SCARB1: variants seen among roughly 807,000 people sequenced by gnomAD.
The protein encoded by SCARB1 is scavenger receptor class B member 1.
In SCARB1, 30 loss-of-function variants were observed where a neutral mutation model predicts 57.2. The ratio of observed to expected loss-of-function variants is 0.52; its 90% CI spans 0.39 to 0.71. The LOEUF (loss-of-function observed/expected upper bound fraction) is 0.71, where lower values mean the gene tolerates loss of function less well. Ranked by LOEUF, SCARB1 falls within the 30% of genes least tolerant of loss-of-function variation. SCARB1 has a pLI of 0.00. For synonymous variants in SCARB1, 249 were observed against 268.3 expected, an observed-to-expected ratio of 0.93 and a Z score of 0.70; for missense variants, 543 against 671.2, an observed-to-expected ratio of 0.81 and a Z score of 2.11.
In SCARB1 at chr12:124,814,513, G is replaced by C. The variant is rs1012116233; in HGVS notation, c.427-108C>G. 8.2e-7 allele frequency: 1 copy of C among 1,225,122 alleles called. No individual in the cohort carries two copies. Among genetic ancestry groups the C allele is most frequent in the African/African-American group, 1.5e-5 (1 of 67,052 alleles). 75.9% of individuals were successfully genotyped at this position (1,225,122 alleles called of 1,614,324 possible). ...AGAGCCCATGAAGGGAAATGCTGGGGTGCAGGAGGCCCCTGGAGTGGCCAC... is the reference window on the plus strand; with the variant it reads ...AGAGCCCATGAAGGGAAATGCTGGGCTGCAGGAGGCCCCTGGAGTGGCCAC... On this transcript the variant is annotated intron_variant, in intron 3 of 12. Transcript: ENST00000261693. The surrounding 1 kb of genome is among the most constrained non-coding windows in gnomAD (Gnocchi z 4.7).
chr12:124,863,771 G>A lies in SCARB1; in HGVS notation c.-51C>T. On this transcript the variant is annotated 5_prime_UTR_variant, in exon 1 of 13. Transcript: ENST00000261693. The stretch of plus-strand genomic sequence containing the variant: ...GGCTCGCAGGGCTCCGCGCCTGGCA[G>A]GAGACGGGGACGGCGACAGAGACGA... 1 of 1,397,282 alleles carries A rather than the reference G, an allele frequency of 7.2e-7. No individual in the cohort carries two copies. Among genetic ancestry groups the A allele is most frequent in the Non-Finnish European group, 9.3e-7 (1 of 1,078,360 alleles). 86.6% of individuals were successfully genotyped at this position (1,397,282 alleles called of 1,614,324 possible).
intron 1 of SCARB1, among the ~76,000 whole-genome samples, chr12:124,820,596 G>T (rs1555263570): frequency 6.6e-6 from 1 of 152,122 alleles, no homozygotes; most frequent in Non-Finnish European, 1.5e-5. Context: ...TGCACTGCAG[G>T]TCCCTCTGTC....
chr12:124,852,748 C>T (rs1242801751), intron 1 of SCARB1, among the ~76,000 whole-genome samples: 2 of 152,230 alleles, frequency 1.3e-5, no homozygotes, highest in Non-Finnish European at 2.9e-5. Flanking sequence ...GGTTATAACA[C>T]AGATGGCGCA....
At chr12:124,844,048 T>C (rs574569961) in intron 1 of SCARB1, among the ~76,000 whole-genome samples, 1 of 151,990 alleles carries the variant, frequency 6.6e-6, no homozygotes, top group Admixed American at 6.6e-5. Flanking sequence ...CTCCTGCGCA[T>C]CCCCAGGAAA....
intron 1 of SCARB1, among the ~76,000 whole-genome samples, chr12:124,819,244 C>T (rs954069051): frequency 1.3e-5 from 2 of 152,222 alleles, no homozygotes; most frequent in South Asian, 2.1e-4. Flanking sequence ...GAAGGTGAGG[C>T]GCAGGGGACA....
chr12:124,785,399 C>G (rs1949476786), intron 11 of SCARB1: 1 of 152,974 alleles, frequency 6.5e-6, no homozygotes, highest in Non-Finnish European at 1.5e-5. Flanking sequence ...ACCTGACCGT[C>G]CAATGTGCCT....
intron 1 of SCARB1, among the ~76,000 whole-genome samples, chr12:124,847,129 A>G (rs529591437): frequency 3.9e-5 from 6 of 152,368 alleles, no homozygotes; most frequent in Non-Finnish European, 7.3e-5. Flanking sequence ...ATTTGATTGC[A>G]TATGTCTTAC....
At chr12:124,778,657 C>T in intron 12 of SCARB1, 71 bp from the exon 13 acceptor site, 1 of 1,321,036 alleles carries the variant, frequency 7.6e-7, no homozygotes, top group South Asian at 2.0e-5. Flanking sequence ...CCCCGCCCAC[C>T]ACAGCCCTGT....
At chr12:124,833,902 G>C (rs10846749) in intron 1 of SCARB1, among the ~76,000 whole-genome samples, 58,340 of 152,180 alleles carry the variant, frequency 0.38, 11,522 homozygotes, top group Admixed American at 0.51. Flanking sequence ...TGCGGAGCAG[G>C]ACACTCTCCC....
At chr12:124,827,831 T>C (rs1026302620) in intron 1 of SCARB1, among the ~76,000 whole-genome samples, 2 of 152,202 alleles carry the variant, frequency 1.3e-5, no homozygotes, top group Admixed American at 1.3e-4. Context: ...TCCATGCTGC[T>C]TGTGGCCTTC....
chr12:124,825,950 G>C (rs977205195), intron 1 of SCARB1, among the ~76,000 whole-genome samples: 3 of 152,070 alleles, frequency 2.0e-5, no homozygotes, highest in African/African-American at 7.2e-5. Flanking sequence ...GCAGTCATGT[G>C]GGATGGGTGG....
At chr12:124,805,043 A>T (rs1173668898) in intron 7 of SCARB1, among the ~76,000 whole-genome samples, 2 of 152,198 alleles carry the variant, frequency 1.3e-5, no homozygotes, top group Non-Finnish European at 2.9e-5. Context: ...GCCTACAGGG[A>T]TGACAGTGAA....
Position 124,817,177 on chromosome 12 carries a change from A to G in SCARB1, c.284+373T>C, listed in dbSNP as rs1039376510. ...GTGTATGTATGTGTGTAACTCACACATGCACCCTCCACCCAGACGCACACC... is the reference window on the plus strand; with the variant it reads ...GTGTATGTATGTGTGTAACTCACACGTGCACCCTCCACCCAGACGCACACC... On this transcript the variant is annotated intron_variant, in intron 2 of 12. Transcript: ENST00000261693. This position sits in a 1 kb window ranked among gnomAD's most constrained non-coding sequence, Gnocchi z 4.8. Among the ~76,000 whole-genome samples, 1 of 151,414 alleles carries G rather than the reference A, an allele frequency of 6.6e-6. No homozygotes were observed. Among genetic ancestry groups the G allele is most frequent in the Non-Finnish European group, 1.5e-5 (1 of 67,844 alleles).
chr12:124,821,350 T>C (rs1950950801), intron 1 of SCARB1: 3 of 984,306 alleles, frequency 3.0e-6, no homozygotes, highest in Non-Finnish European at 3.6e-6. Flanking sequence ...GCTGCTGGGC[T>C]GGAGATACCT....
At chr12:124,859,082 C>T (rs972538943) in intron 1 of SCARB1, among the ~76,000 whole-genome samples, 1 of 152,004 alleles carries the variant, frequency 6.6e-6, no homozygotes, top group Admixed American at 6.6e-5. Flanking sequence ...GGGGGTCTCA[C>T]TATGTTGCCC....
chr12:124,802,365 G>A (rs1240004859), intron 7 of SCARB1, among the ~76,000 whole-genome samples: 1 of 152,162 alleles, frequency 6.6e-6, no homozygotes, highest in Admixed American at 6.5e-5. Context: ...TGGCAAGGAG[G>A]AAAAGAGCAT....
chr12:124,834,118 A>G (rs1951532209), intron 1 of SCARB1, among the ~76,000 whole-genome samples: 1 of 152,238 alleles, frequency 6.6e-6, no homozygotes, highest in East Asian at 1.9e-4. Context: ...ATCCTCAGCC[A>G]CATGGGAGGA....
intron 1 of SCARB1, among the ~76,000 whole-genome samples, chr12:124,834,457 T>C (rs1951544857): frequency 6.6e-6 from 1 of 152,208 alleles, no homozygotes; most frequent in Admixed American, 6.5e-5. Flanking sequence ...TCGGGCAATT[T>C]CTGAACACTG....
chr12:124,793,919 T>A (rs1366541800), intron 9 of SCARB1, among the ~76,000 whole-genome samples: 1 of 152,114 alleles, frequency 6.6e-6, no homozygotes, highest in African/African-American at 2.4e-5. Context: ...CAAACGTCCA[T>A]CAACCGATAA....
Sources: gnomAD v4.1 joint callset for allele counts (sites outside exome capture counted in the v4.1 genomes callset) on GRCh38, gnomAD v4.1.1 for gene constraint, Gnocchi (gnomAD v3.1) non-coding constraint, MANE v1.5 for transcripts, NCBI Gene and HGNC (gene_info 2026-07-23, HGNC 2026-07-21) for gene names.